MID1: variants seen among roughly 807,000 people sequenced by gnomAD.
The protein encoded by MID1 is E3 ubiquitin-protein ligase Midline-1.
Under a neutral mutation model 40.4 loss-of-function variants are expected in MID1, and 7 were observed. The ratio of observed to expected loss-of-function variants is 0.17; its 90% CI spans 0.10 to 0.33. The LOEUF (loss-of-function observed/expected upper bound fraction) is 0.33. MID1 is among the 10% of genes least tolerant of loss of function. The probability of loss-of-function intolerance (pLI) is 1.00; values close to 1 mark genes in which losing one functional copy is unlikely to be tolerated. For synonymous variants in MID1, 229 were observed against 221.2 expected, an observed-to-expected ratio of 1.04 and a Z score of -0.31; for missense variants, 367 against 558.5, an observed-to-expected ratio of 0.66 and a Z score of 3.46.
rs1415674739 is a variant in MID1, at chrX:10,724,226, A to T, written c.-186-103807T>A. 2.7e-5 allele frequency among the ~76,000 whole-genome samples: 3 copies of T among 110,558 alleles called. No homozygotes were observed. In the East Asian group the frequency reaches 8.6e-4, roughly 32 times the overall value. On this transcript the variant is annotated intron_variant, in intron 1 of 10. Coordinates refer to the MID1 transcript ENST00000380785. Reference sequence around the variant, plus strand: ...TAGGCACGCACCACCACACCCGGTAATTTTTTGTATTTTGTAGAGACGGGA... The same window carrying T: ...TAGGCACGCACCACCACACCCGGTATTTTTTTGTATTTTGTAGAGACGGGA...
At chrX:10,725,686 C>T (rs1336559723) in intron 1 of MID1, among the ~76,000 whole-genome samples, 1 of 111,149 alleles carries the variant, frequency 9.0e-6, no homozygotes, top group Admixed American at 9.6e-5. Context: ...TGGTGAAACC[C>T]CGTCTCTACT....
intron 9 of MID1, among the ~76,000 whole-genome samples, chrX:10,453,759 C>T (rs1480901597): frequency 8.9e-6 from 1 of 112,158 alleles, no homozygotes; most frequent in African/African-American, 3.2e-5. Flanking sequence ...TGGCCCTTTA[C>T]AGATAATGTT....
At chrX:10,581,059 G>A (rs1243656786) in intron 1 of MID1, among the ~76,000 whole-genome samples, 2 of 109,873 alleles carry the variant, frequency 1.8e-5, no homozygotes, top group Non-Finnish European at 3.8e-5. Context: ...GACCAGCCTG[G>A]CCAATGTAGT....
chrX:10,811,880 T>C (rs1345949448), intron 1 of MID1, among the ~76,000 whole-genome samples: 1 of 112,169 alleles, frequency 8.9e-6, no homozygotes, highest in Admixed American at 9.5e-5. Context: ...TAAAAGGCCG[T>C]CCTTTTTCCC....
intron 1 of MID1, among the ~76,000 whole-genome samples, chrX:10,573,070 C>T (rs7053320): frequency 0.11 from 12,574 of 112,033 alleles, 1,249 homozygotes; most frequent in African/African-American, 0.32. Flanking sequence ...AGCCCCACAT[C>T]GTGGGAGGCA....
At chrX:10,498,155 G>A (rs753920424) in intron 3 of MID1, among the ~76,000 whole-genome samples, 2 of 112,172 alleles carry the variant, frequency 1.8e-5, no homozygotes, top group Non-Finnish European at 3.8e-5. Flanking sequence ...TCAGGCTGGA[G>A]TGCACTGGTG....
chrX:10,453,276 C>T (rs1314798556), intron 9 of MID1, among the ~76,000 whole-genome samples: 1 of 111,902 alleles, frequency 8.9e-6, no homozygotes, highest in African/African-American at 3.2e-5. Context: ...CTAATTTCTA[C>T]CTACAATATA....
At chrX:10,475,524 T>C (rs1046122326) in intron 5 of MID1, among the ~76,000 whole-genome samples, 1 of 111,994 alleles carries the variant, frequency 8.9e-6, no homozygotes, top group African/African-American at 3.2e-5. Context: ...ATTTGGAAGG[T>C]TCAGTTATTA....
intron 1 of MID1, among the ~76,000 whole-genome samples, chrX:10,706,561 G>GC (rs1379179086): frequency 1.8e-5 from 2 of 110,799 alleles, no homozygotes; most frequent in Non-Finnish European, 3.8e-5. Context: ...TCTCATTGCT[G>GC]CCACCAGGTG....
Position 10,793,434 on chromosome X carries a change from C to T in MID1, c.-187+40120G>A, listed in dbSNP as rs193022673. ...ATCAGCCTGCACCTCACTCCTTGGA[C>T]ATTCCTCAGCTGTTTTCTGTTCCCT... On this transcript the variant is annotated intron_variant, in intron 1 of 10. Transcript: ENST00000380785. 2.7e-5 allele frequency among the ~76,000 whole-genome samples: 3 copies of T among 112,487 alleles called. No homozygotes were observed. In the East Asian group the frequency reaches 8.4e-4, roughly 32 times the overall value.
intron 1 of MID1, among the ~76,000 whole-genome samples, chrX:10,619,465 T>G (rs1935896481): frequency 8.9e-6 from 1 of 112,963 alleles, no homozygotes; most frequent in Non-Finnish European, 1.9e-5. Flanking sequence ...GTTCTTGATA[T>G]TTAAATATTG....
chrX:10,586,039 T>C (rs1376150107), intron 1 of MID1, among the ~76,000 whole-genome samples: 2 of 111,501 alleles, frequency 1.8e-5, no homozygotes, highest in Non-Finnish European at 3.8e-5. Context: ...CATGGGAGGC[T>C]CAGATGGGTC....
intron 1 of MID1, among the ~76,000 whole-genome samples, chrX:10,768,507 T>C (rs1384542188): frequency 8.9e-6 from 1 of 111,931 alleles, no homozygotes; most frequent in Admixed American, 9.5e-5. Flanking sequence ...CTTGTGTCAC[T>C]GGTTCCAAAG....
intron 1 of MID1, among the ~76,000 whole-genome samples, chrX:10,758,151 T>G (rs2043646633): frequency 9.4e-6 from 1 of 106,548 alleles, no homozygotes; most frequent in South Asian, 4.3e-4. Flanking sequence ...TGTTTTGTAT[T>G]TTTTGTAGAG....
intron 1 of MID1, among the ~76,000 whole-genome samples, chrX:10,580,958 A>T (rs1386369404): frequency 9.3e-6 from 1 of 107,462 alleles, no homozygotes; most frequent in African/African-American, 3.4e-5. Flanking sequence ...AAAAAAAAAA[A>T]CATGTAGAGG....
intron 1 of MID1, among the ~76,000 whole-genome samples, chrX:10,607,885 AGT>A (rs900962582): frequency 1.8e-5 from 2 of 112,541 alleles, no homozygotes; most frequent in Admixed American, 9.4e-5. Context: ...TCAATATTTC[AGT>A]TAAGGTTCAA....
chrX:10,724,896 G>A (rs1025101458), intron 1 of MID1, among the ~76,000 whole-genome samples: 1 of 111,731 alleles, frequency 9.0e-6, no homozygotes, highest in Non-Finnish European at 1.9e-5. Context: ...GAATGAGGGC[G>A]AATTTTTAAA....
At chrX:10,565,934 C>T (rs1190210959) in intron 2 of MID1, among the ~76,000 whole-genome samples, 1 of 109,789 alleles carries the variant, frequency 9.1e-6, no homozygotes, top group African/African-American at 3.3e-5. Context: ...CTCAGCCTCC[C>T]GAGTAGCTGG....
chrX:10,537,211 T>C (rs1933293836), intron 2 of MID1, among the ~76,000 whole-genome samples: 1 of 111,123 alleles, frequency 9.0e-6, no homozygotes, highest in Non-Finnish European at 1.9e-5. Context: ...TTAAGTGGTA[T>C]TGAAAGGGGG....
Sources: gnomAD v4.1 joint callset for allele counts (sites outside exome capture counted in the v4.1 genomes callset) on GRCh38, gnomAD v4.1.1 for gene constraint, MANE v1.5 for transcripts, NCBI Gene and HGNC (gene_info 2026-07-23, HGNC 2026-07-21) for gene names.